RABEP1: variants seen among roughly 807,000 people sequenced by gnomAD.
The protein encoded by RABEP1 is rab GTPase-binding effector protein 1.
RABEP1 carries 51 observed loss-of-function variants against 123.4 expected under a neutral mutation model. The observed-to-expected ratio is 0.41, with a 90% confidence interval of 0.33 to 0.52. The LOEUF (loss-of-function observed/expected upper bound fraction) is 0.52. Ranked by LOEUF, RABEP1 falls within the 20% of genes least tolerant of loss-of-function variation. The probability of loss-of-function intolerance (pLI) is 0.16; values close to 1 mark genes in which losing one functional copy is unlikely to be tolerated. For missense variants in RABEP1, 888 were observed against 996.3 expected (o/e 0.89, Z 1.46); for synonymous variants, 347 against 355.2 (o/e 0.98, Z 0.26).
chr17:5,370,845 T>G (rs1257410406), intron 12 of RABEP1, among the ~76,000 whole-genome samples: 4 of 152,186 alleles, frequency 2.6e-5, no homozygotes, highest in Non-Finnish European at 5.9e-5. Flanking sequence ...TTCTTTGTAG[T>G]TCTGCCCTTA....
At chr17:5,377,361 A>G in intron 14 of RABEP1, 56 bp downstream of exon 14, 1 of 1,430,754 alleles carries the variant, frequency 7.0e-7, no homozygotes. Flanking sequence ...AACTTTAGTA[A>G]AAGAAGCAAT....
At chr17:5,331,087 T>G (rs1906503534) in intron 2 of RABEP1, among the ~76,000 whole-genome samples, 1 of 150,136 alleles carries the variant, frequency 6.7e-6, no homozygotes, top group South Asian at 2.1e-4. Context: ...GGGAAAAGTT[T>G]TGTAAGAGAA....
rs1906952745 is a variant in RABEP1, at chr17:5,335,209, G to T, written c.393G>T (p.Gln131His). Residue 131 changes from glutamine to histidine, a missense_variant, in exon 4 of 18, where the codon CAG (glutamine) becomes CAT (histidine). Physicochemically the swap from Gln to His is conservative, Grantham distance 24. Transcript: ENST00000537505. ...AAACAGTTCGTGACTATGAGCACCA[G>T]TTCCACCTTAGGCTGGAGCAGGAGC... The part of the protein sequence containing the change: ...MKETVRDYEH[Q>H]FHLRLEQERT... 6.2e-7 allele frequency: 1 copy of T among 1,613,246 alleles called. No homozygotes were observed. Among genetic ancestry groups the T allele is most frequent in the Non-Finnish European group, 8.5e-7 (1 of 1,179,480 alleles).
intron 13 of RABEP1, among the ~76,000 whole-genome samples, chr17:5,374,084 T>C (rs1175966725): frequency 6.6e-6 from 1 of 152,184 alleles, no homozygotes; most frequent in Non-Finnish European, 1.5e-5. Flanking sequence ...TTTGTTTCTT[T>C]TTGAGACAGA....
rs1209147460 is a variant in RABEP1, at chr17:5,282,299, C to T, written c.-188C>T. 1.5e-5 allele frequency: 6 copies of T among 410,958 alleles called. No homozygotes were observed. Among genetic ancestry groups the T allele is most frequent in the Admixed American group, 4.4e-5 (1 of 22,608 alleles). The allele number at this position is 410,958 out of a possible 1,614,324, so 25.5% of individuals were successfully genotyped here. A position where few individuals can be genotyped will look rare whatever the true frequency, so the allele number is the denominator to read the frequency against. On this transcript the variant is annotated 5_prime_UTR_variant, in exon 1 of 18. Transcript: ENST00000537505. ...ATTTCCCGCTGTCAGGATGAGGAGG[C>T]GGAGGTCGGCGGTCGGGTCCGTCTC...
rs3026104 is a variant in RABEP1 at position 5,378,339 on chromosome 17, C to T, written c.2271+107C>T. The T allele has an allele frequency of 2.1e-3, 2,258 of 1,085,464 alleles. 37 individuals carry two copies. In the African/African-American group the frequency reaches 0.031, roughly 15 times the overall value. The allele number at this position is 1,085,464 out of a possible 1,614,324, so 67.2% of individuals were successfully genotyped here. A position where few individuals can be genotyped will look rare whatever the true frequency, so the allele number is the denominator to read the frequency against. On this transcript the variant is annotated intron_variant, in intron 15 of 17. Transcript: ENST00000537505. ...AAAATAGTTAAGGCATGGGCCCTGC[C>T]TTAAGGAACTTTTGTCTTGTGGGAA... is the stretch of plus-strand genomic sequence containing the variant.
At chr17:5,357,243 A>T (rs978971633) in intron 8 of RABEP1, among the ~76,000 whole-genome samples, 1 of 152,108 alleles carries the variant, frequency 6.6e-6, no homozygotes, top group African/African-American at 2.4e-5. Flanking sequence ...TTTTTCCCCA[A>T]CTTAAATCTA....
At chr17:5,332,866 T>C (rs932283379) in intron 3 of RABEP1, among the ~76,000 whole-genome samples, 1 of 152,090 alleles carries the variant, frequency 6.6e-6, no homozygotes, top group Admixed American at 6.6e-5. Context: ...TGCCTCGGCC[T>C]CCCAAAGTCC....
At chr17:5,295,096 T>C (rs1458910158) in intron 1 of RABEP1, among the ~76,000 whole-genome samples, 1 of 152,024 alleles carries the variant, frequency 6.6e-6, no homozygotes, top group Non-Finnish European at 1.5e-5. Context: ...AATGTTATTT[T>C]TGAGGACAGA....
chr17:5,316,462 A>AG (rs2075296628), intron 2 of RABEP1, among the ~76,000 whole-genome samples: 3 of 145,208 alleles, frequency 2.1e-5, no homozygotes, highest in Admixed American at 2.0e-4. Context: ...AAAAAAAAAA[A>AG]AAAAAAAAAA....
rs1909685648 is a variant in RABEP1, at chr17:5,362,958, C to G, written c.1610C>G (p.Ser537Cys). 6.2e-7 allele frequency: 1 copy of G among 1,613,912 alleles called. No individual in the cohort carries two copies. Among genetic ancestry groups the G allele is most frequent in the Non-Finnish European group, 8.5e-7 (1 of 1,179,894 alleles). Residue 537 changes from serine (S) to cysteine (C), a missense_variant, in exon 10 of 18, where the codon TCC (serine) becomes TGC (cysteine). Transcript: ENST00000537505. ...NKLGRRCDMC[S>C]NYEKQLQGIQ... ...CTTGGTAGACGTTGTGATATGTGTT[C>G]CAATTACGAAAAACAGTTACAAGGA...
rs956322919 is a variant in RABEP1, at chr17:5,383,532, G to A, written c.*309G>A. 3.3e-5 allele frequency: 12 copies of A among 363,780 alleles called. No individual in the cohort carries two copies. The highest frequency in any genetic ancestry group is 8.1e-5 in the South Asian group (2 of 24,652). The allele number at this position is 363,780 out of a possible 1,614,324, so 22.5% of individuals were successfully genotyped here. A position where few individuals can be genotyped will look rare whatever the true frequency, so the allele number is the denominator to read the frequency against. On this transcript the variant is annotated 3_prime_UTR_variant, in exon 18 of 18. Transcript: ENST00000537505. ...CCTGCTTTCTCCAAGACAGATTTTC[G>A]GAACACATTTCCCTACCCTAAAGCG...
In RABEP1 at chr17:5,312,142, A is replaced by C. The variant is rs528325471; in HGVS notation, c.163+3320A>C. 3.3e-5 allele frequency among the ~76,000 whole-genome samples: 5 copies of C among 152,278 alleles called. No homozygotes were observed. The East Asian group carries it at 9.6e-4, about 29-fold the overall frequency. ...AGTCATTCACTTTTTAATTATTGAC[A>C]CTAATTTTAGTTATCCCTCTGTGAG... On this transcript the variant is annotated intron_variant, in intron 2 of 17. Coordinates refer to ENST00000537505, the MANE Select transcript of RABEP1 (RefSeq NM_004703.6).
chr17:5,365,014 C>CTGAATT (rs1209548789), intron 10 of RABEP1, 108 bp from the exon 11 acceptor site: 1 of 678,798 alleles, frequency 1.5e-6, no homozygotes, highest in African/African-American at 1.9e-5. Flanking sequence ...TGGTGTTTCC[C>CTGAATT]AGAAAAAGAC....
chr17:5,375,508 A>G (rs1910916902), intron 13 of RABEP1, among the ~76,000 whole-genome samples: 1 of 152,096 alleles, frequency 6.6e-6, no homozygotes, highest in African/African-American at 2.4e-5. Flanking sequence ...CCTGGACAAC[A>G]TGGCAAAACC....
intron 2 of RABEP1, among the ~76,000 whole-genome samples, chr17:5,311,439 G>A (rs2144531131): frequency 6.6e-6 from 1 of 152,108 alleles, no homozygotes. Context: ...GCTGACACCT[G>A]TAATCCCAGC....
chr17:5,374,187 C>T (rs1910785488), intron 13 of RABEP1, among the ~76,000 whole-genome samples: 5 of 149,956 alleles, frequency 3.3e-5, no homozygotes, highest in African/African-American at 1.0e-4. Context: ...CTGCCTCAGC[C>T]TCCCCAGTAG....
Position 5,373,322 on chromosome 17 carries a change from G to C in RABEP1, c.1893G>C (p.Leu631=). 6.2e-7 allele frequency: 1 copy of C among 1,613,144 alleles called. No individual in the cohort carries two copies. Among genetic ancestry groups the C allele is most frequent in the Non-Finnish European group, 8.5e-7 (1 of 1,179,732 alleles). ...ATCTACTTCTATTTTAGGCGGTGCT[G>C]ATGCAGTCACGGGAACAGGTTTCAG... is the stretch of plus-strand genomic sequence containing the variant. ...KRDVQEQMAV[L]MQSREQVSEE... Residue 631 remains leucine (L), a synonymous_variant, in exon 13 of 18, where the codon CTG becomes CTC. Transcript: ENST00000537505.
At chr17:5,363,090 T>C in intron 10 of RABEP1, 74 bp downstream of exon 10, 5 of 1,091,640 alleles carry the variant, frequency 4.6e-6, no homozygotes, top group Non-Finnish European at 7.0e-6. Flanking sequence ...TGCCCCCCTC[T>C]CCGGCCCCAG....
Sources: allele counts gnomAD v4.1 joint callset (sites outside exome capture counted in the v4.1 genomes callset), GRCh38; gene constraint gnomAD v4.1.1; transcripts MANE v1.5; gene names NCBI Gene and HGNC (gene_info 2026-07-23, HGNC 2026-07-21).